Variants in RTN4 observed in about 807,000 individuals in gnomAD.
RTN4 encodes reticulon-4.
In RTN4, 32 loss-of-function variants were observed where a neutral mutation model predicts 90.4. The observed-to-expected ratio is 0.35, with a 90% CI of 0.27 to 0.48. The LOEUF (loss-of-function observed/expected upper bound fraction) is 0.48. Ranked by LOEUF, RTN4 falls within the 20% of genes least tolerant of loss-of-function variation. RTN4 has a pLI of 0.99. For synonymous variants in RTN4, 629 were observed against 552.5 expected, an observed-to-expected ratio of 1.14 and a Z score of -1.94; for missense variants, 1,706 against 1,430.2, an observed-to-expected ratio of 1.19 and a Z score of -3.11.
upstream of RTN4, among the ~76,000 whole-genome samples, chr2:55,054,322 C>T (rs2972080): frequency 0.18 from 27,373 of 152,122 alleles, 3,018 homozygotes; most frequent in East Asian, 0.34. Flanking sequence ...TGTGCTTTCA[C>T]TTTATACTTT....
chr2:55,122,996 G>A, the RTN4 span, among the ~76,000 whole-genome samples: 1 of 152,286 alleles, frequency 6.6e-6, no homozygotes. Context: ...CAAAGAGTTT[G>A]GAATCTCTAG....
At chr2:55,093,687 AAGG>A (rs1244856299) in intron 1 of RTN4, among the ~76,000 whole-genome samples, 1 of 152,132 alleles carries the variant, frequency 6.6e-6, no homozygotes, top group East Asian at 1.9e-4. Context: ...TGAAGGAGAA[AAGG>A]AGAAGAGAAA....
chr2:54,997,412 T>C (rs1679516466), intron 3 of RTN4, among the ~76,000 whole-genome samples: 1 of 152,178 alleles, frequency 6.6e-6, no homozygotes, highest in African/African-American at 2.4e-5. Context: ...CTGATGGGAA[T>C]GTAAAATTCA....
intron 2 of RTN4, among the ~76,000 whole-genome samples, chr2:55,062,293 C>A (rs986123108): frequency 3.3e-5 from 5 of 152,130 alleles, no homozygotes; most frequent in Admixed American, 1.3e-4. Flanking sequence ...GCCCTCTGTC[C>A]TTGCAATAAG....
At chr2:55,121,077 C>T in the RTN4 span, among the ~76,000 whole-genome samples, 2 of 152,206 alleles carry the variant, frequency 1.3e-5, no homozygotes, top group Admixed American at 6.5e-5. Flanking sequence ...AACCCAGAAT[C>T]AGCCTTGAAT....
chr2:55,041,028 C>G (rs972240908), intron 1 of RTN4, among the ~76,000 whole-genome samples: 2 of 150,258 alleles, frequency 1.3e-5, no homozygotes, highest in African/African-American at 4.9e-5. Context: ...TATTTGGCAG[C>G]TATAGCTCCT....
intron 3 of RTN4, among the ~76,000 whole-genome samples, chr2:55,021,447 A>G (rs1681429722): frequency 6.7e-6 from 1 of 149,422 alleles, no homozygotes; most frequent in Admixed American, 6.7e-5. Flanking sequence ...TGTTAAAGCA[A>G]CTCTTACCTG....
chr2:55,109,069 G>A lies in RTN4; in HGVS notation c.-214+3451C>T, dbSNP rs548388605. On this transcript the variant is annotated intron_variant, in intron 1 of 3. Coordinates refer to the RTN4 transcript ENST00000427710. ...TGGGATTGTTTTAAATCGATACATC[G>A]AACCTTTAAACACACACACTTTTGA... 1.2e-4 allele frequency among the ~76,000 whole-genome samples: 19 copies of A among 152,078 alleles called. 2 individuals carry two copies. Among genetic ancestry groups the A allele is most frequent in the African/African-American group, 3.9e-4 (16 of 41,472 alleles).
At chr2:55,036,990 G>C (rs906618924) in intron 1 of RTN4, among the ~76,000 whole-genome samples, 13 of 152,088 alleles carry the variant, frequency 8.5e-5, no homozygotes, top group Admixed American at 8.5e-4. Context: ...AAAATCCTAA[G>C]GATTCAAAAT....
At chr2:55,042,971 A>C (rs1016173426) in intron 1 of RTN4, among the ~76,000 whole-genome samples, 1 of 152,236 alleles carries the variant, frequency 6.6e-6, no homozygotes, top group African/African-American at 2.4e-5. Flanking sequence ...TGATGAAAGC[A>C]ACTTAAAAAT....
chr2:55,011,446 A>G (rs1440830254), intron 3 of RTN4, among the ~76,000 whole-genome samples: 1 of 152,218 alleles, frequency 6.6e-6, no homozygotes, highest in East Asian at 1.9e-4. Flanking sequence ...TCCACAATCA[A>G]TTCACCTGAT....
In RTN4 at chr2:54,972,464, TG is replaced by T. The variant is rs1171375493; in HGVS notation, c.*691del. On this transcript the variant is annotated 3_prime_UTR_variant, in exon 9 of 9. Transcript: ENST00000337526. ...TGTGGCATTTCATGTTGAAAACAGA[TG>T]GTAGTGCTCCTAGAAATATTTCTTC... 3 of 152,608 alleles carry T rather than the reference TG, an allele frequency of 2.0e-5. 1 individual carries two copies. The highest frequency in any genetic ancestry group is 7.2e-5 in the African/African-American group (3 of 41,422). The allele number at this position is 152,608 out of a possible 1,614,324, so 9.5% of individuals were successfully genotyped here.
chr2:54,982,626 T>C lies in RTN4; in HGVS notation c.3249A>G (p.Ile1083Met), dbSNP rs1298993980. 2 of 1,610,916 alleles carry C rather than the reference T, an allele frequency of 1.2e-6. No individual in the cohort carries two copies. Among genetic ancestry groups the C allele is most frequent in the East Asian group, 4.5e-5 (2 of 44,720 alleles). ...FRAYLESEVA[I>M]SEELVQKYSN... ...TGTACTTCTGAACCAACTCCTCAGA[T>C]ATAGCAACTTCAGATTCCAGATATG... is the stretch of plus-strand genomic sequence containing the variant. Residue 1083 changes from isoleucine to methionine, a missense_variant, in exon 5 of 9, where the codon ATA becomes ATG. By Grantham distance (10) the Ile-to-Met change is conservative. Coordinates refer to ENST00000337526, the MANE Select transcript of RTN4 (RefSeq NM_020532.5).
chr2:55,042,023 A>C (rs981306439), intron 1 of RTN4, among the ~76,000 whole-genome samples: 2 of 152,098 alleles, frequency 1.3e-5, no homozygotes, highest in African/African-American at 4.8e-5. Context: ...TGAGACCAAA[A>C]ACCCAAAAGA....
At chr2:55,085,179 T>C (rs546410031) in intron 1 of RTN4, among the ~76,000 whole-genome samples, 7 of 152,280 alleles carry the variant, frequency 4.6e-5, no homozygotes, top group Admixed American at 1.3e-4. Context: ...TCCAGAGAAA[T>C]AGAACTGTGT....
chr2:55,111,341 G>T (rs1668035053), intron 1 of RTN4, among the ~76,000 whole-genome samples: 1 of 152,098 alleles, frequency 6.6e-6, no homozygotes, highest in African/African-American at 2.4e-5. Flanking sequence ...CAAATCTTAG[G>T]CCCAAATAGA....
intron 1 of RTN4, among the ~76,000 whole-genome samples, chr2:55,107,749 CCAGA>C (rs1412419333): frequency 6.6e-6 from 1 of 151,984 alleles, no homozygotes; most frequent in East Asian, 1.9e-4. Context: ...GTGCCACTCC[CCAGA>C]CAAACAGAGA....
intron 1 of RTN4, among the ~76,000 whole-genome samples, chr2:55,088,237 CT>C (rs1483317877): frequency 1.3e-5 from 2 of 152,192 alleles, no homozygotes; most frequent in Non-Finnish European, 1.5e-5. Context: ...TCAGAGGAAA[CT>C]CAGTGAGTAT....
At position 55,027,445 on chromosome 2, in the gene RTN4, C is replaced by T. The variant is rs138402788; in HGVS notation, c.654G>A (p.Ser218=). 2.7e-4 allele frequency: 435 copies of T among 1,612,402 alleles called. 1 individual carries two copies. The highest frequency in any genetic ancestry group is 1.9e-3 in the Admixed American group (116 of 59,716). Residue 218 remains serine (S), a synonymous_variant, in exon 3 of 9, where the codon TCG becomes TCA. Coordinates refer to ENST00000337526, the MANE Select transcript of RTN4 (RefSeq NM_020532.5). ...CAGATGGGAAATCCTCTTGACCAGC[C>T]GAAATAGTGTTACCTGGCTGCTCCT... ...DLKEQPGNTI[S]AGQEDFPSVL...
Sources: gnomAD v4.1 joint callset for allele counts (sites outside exome capture counted in the v4.1 genomes callset) on GRCh38, gnomAD v4.1.1 for gene constraint, MANE v1.5 for transcripts, NCBI Gene and HGNC (gene_info 2026-07-23, HGNC 2026-07-21) for gene names.